The following BBOF1 variants were observed in gnomAD, a reference collection of about 807,000 sequenced individuals.
BBOF1 encodes basal body-orientation factor 1.
In BBOF1, 62 loss-of-function variants were observed where a neutral mutation model predicts 68.0. That is an observed-to-expected ratio of 0.91 (90% CI 0.74 to 1.13). The LOEUF is 1.13. Ranked by LOEUF, BBOF1 falls within the 50% of genes most tolerant of loss-of-function variation. The probability of loss-of-function intolerance (pLI) is 0.00; values close to 1 mark genes in which losing one functional copy is unlikely to be tolerated. For missense variants in BBOF1, 534 were observed against 600.1 expected (o/e 0.89, Z 1.15); for synonymous variants, 208 against 198.8 (o/e 1.05, Z -0.39).
intron 5 of BBOF1, among the ~76,000 whole-genome samples, chr14:74,043,499 G>A (rs1414245471): frequency 2.2e-5 from 3 of 136,700 alleles, no homozygotes; most frequent in Non-Finnish European, 4.6e-5. Flanking sequence ...GCAGTGAGCC[G>A]AGATTGCGCC....
chr14:74,034,891 A>G (rs962464934), intron 4 of BBOF1, among the ~76,000 whole-genome samples: 115 of 152,134 alleles, frequency 7.6e-4, no homozygotes, highest in Non-Finnish European at 1.5e-3. Context: ...GGAGTTCAAG[A>G]CTAGCCTAGG....
intron 9 of BBOF1, among the ~76,000 whole-genome samples, chr14:74,056,034 AT>A (rs202158412): frequency 0.22 from 32,331 of 144,044 alleles, 3,736 homozygotes; most frequent in South Asian, 0.44. Context: ...AAAGATAAGT[AT>A]TTTTTTTTTT....
chr14:74,071,724 AG>A lies in BBOF1; in HGVS notation n.1380-6471del, dbSNP rs559349454. ...GGAAGATCATTTGAGTAAAGAGTAA[AG>A]TAAATCAGTCTTAGGGATACTGAAT... On this transcript the variant is annotated intron_variant and non_coding_transcript_variant, in intron 9 of 12. Transcript: ENST00000492026. 3,235 of 1,460,518 alleles carry A rather than the reference AG, an allele frequency of 2.2e-3. 18 individuals carry two copies. The highest frequency in any genetic ancestry group is 0.019 in the Middle Eastern group (85 of 4,476). The allele number at this position is 1,460,518 out of a possible 1,614,324, so 90.5% of individuals were successfully genotyped here.
At chr14:74,059,312 C>T (rs1307296837) in intron 11 of BBOF1, 1 of 451,596 alleles carries the variant, frequency 2.2e-6, no homozygotes, top group Non-Finnish European at 4.5e-6. Flanking sequence ...GTTAGATTTG[C>T]TTAAGGCAGG....
intron 8 of BBOF1, among the ~76,000 whole-genome samples, chr14:74,052,644 C>CAA (rs112439607): frequency 0.013 from 1,727 of 133,084 alleles, 19 homozygotes; most frequent in Middle Eastern, 0.034. Context: ...GACTCCATCT[C>CAA]AAAAAAAAAA....
At chr14:74,069,292 CG>C (rs2060517151), downstream of BBOF1, 4 of 347,320 alleles carry the variant, frequency 1.2e-5, no homozygotes, top group East Asian at 2.3e-4. Flanking sequence ...TTAGTAGACA[CG>C]GGGTTTCACA....
chr14:74,047,932 A>T lies in BBOF1; in HGVS notation c.650A>T (p.Gln217Leu), dbSNP rs1487347283. 1 of 1,600,236 alleles carries T rather than the reference A, an allele frequency of 6.2e-7. No homozygotes were observed. The highest frequency in any genetic ancestry group is 2.2e-5 in the East Asian group (1 of 44,776). The change falls in exon 7 of 12, where the codon CAA becomes CTA. Residue 217 changes from glutamine (Q) to leucine (L), a missense_variant and splice_region_variant. Transcript: ENST00000394009. ...TTGAGATCTTATATCTATTTCAGGC[A>T]ATTGAACGATGCTGGAAGAAATGTT... ...AERAHHEAIV[Q>L]LNDAGRNVFK...
chr14:74,030,598 C>T (rs1447101978), intron 3 of BBOF1, among the ~76,000 whole-genome samples: 2 of 151,688 alleles, frequency 1.3e-5, no homozygotes, highest in Admixed American at 6.6e-5. Context: ...TGGGTTCACA[C>T]CATTCTCCTG....
downstream of BBOF1, chr14:74,071,056 T>C: frequency 5.6e-6 from 5 of 899,916 alleles, no homozygotes; most frequent in Non-Finnish European, 9.0e-6. Flanking sequence ...GGCAAAATCA[T>C]CAACAAACAT....
intron 2 of BBOF1, among the ~76,000 whole-genome samples, chr14:74,023,677 A>G (rs1340309511): frequency 6.6e-6 from 1 of 152,118 alleles, no homozygotes; most frequent in Non-Finnish European, 1.5e-5. Flanking sequence ...CCACTTTGGG[A>G]GGCTGAGGTG....
In BBOF1 at chr14:74,050,094, A is replaced by G; in HGVS notation, c.1185A>G (p.Ala395=). ...AQAAFNLKMR[A]ACTGRTEYPK... Reference sequence around the variant, plus strand: ...CTGCTTTCAATTTAAAAATGAGAGCAGCATGTACAGGAAGAACAGAATATC... The same window carrying G: ...CTGCTTTCAATTTAAAAATGAGAGCGGCATGTACAGGAAGAACAGAATATC... Residue 395 remains alanine (A), a synonymous_variant, in exon 8 of 12, where the codon GCA becomes GCG. Transcript: ENST00000394009. 1 of 1,613,880 alleles carries G rather than the reference A, an allele frequency of 6.2e-7. No homozygotes were observed. Among genetic ancestry groups the G allele is most frequent in the Non-Finnish European group, 8.5e-7 (1 of 1,179,886 alleles).
intron 1 of BBOF1, 27 bp downstream of exon 1, chr14:74,019,561 C>A: frequency 1.3e-6 from 2 of 1,573,976 alleles, no homozygotes; most frequent in East Asian, 2.4e-5. Flanking sequence ...CGAGAGTCCC[C>A]TCTCCCTGGG....
chr14:74,026,954 G>A (rs2059444759), intron 2 of BBOF1, among the ~76,000 whole-genome samples: 1 of 151,504 alleles, frequency 6.6e-6, no homozygotes, highest in African/African-American at 2.4e-5. Flanking sequence ...GGCAAAAACT[G>A]CAGTTGCTTT....
chr14:74,058,678 C>T (rs551007496), intron 11 of BBOF1: 4 of 151,476 alleles, frequency 2.6e-5, no homozygotes, highest in South Asian at 2.1e-4. Context: ...CTGGTAAGGA[C>T]GCAGGAAAAT....
intron 12 of BBOF1, among the ~76,000 whole-genome samples, chr14:74,082,438 C>T (rs1309275128): frequency 2.6e-5 from 3 of 115,284 alleles, no homozygotes; most frequent in Non-Finnish European, 3.2e-5. Flanking sequence ...CTTGCTCTGT[C>T]GCCCAGGCTG....
At chr14:74,049,661 C>T in intron 7 of BBOF1, 41 bp from the exon 8 acceptor site, 1 of 1,492,648 alleles carries the variant, frequency 6.7e-7, no homozygotes, top group Non-Finnish European at 8.9e-7. Context: ...GATTCCATCT[C>T]AAAAGAAAAA....
intron 5 of BBOF1, among the ~76,000 whole-genome samples, chr14:74,041,372 A>G (rs2059822430): frequency 6.6e-6 from 1 of 152,108 alleles, no homozygotes. Flanking sequence ...TCTGAAGTTA[A>G]CTCTCCAAAT....
At chr14:74,056,784 G>A (rs545326314) in intron 9 of BBOF1, 122 bp from the exon 10 acceptor site, 147 of 665,074 alleles carry the variant, frequency 2.2e-4, no homozygotes, top group African/African-American at 1.5e-3. Context: ...CCACAAATAC[G>A]TATACCTACT....
chr14:74,042,741 G>A (rs565041733), intron 5 of BBOF1, among the ~76,000 whole-genome samples: 4 of 152,128 alleles, frequency 2.6e-5, no homozygotes, highest in South Asian at 4.2e-4. Context: ...CCAGGAATTC[G>A]GGGCTGCAGT....
Sources: allele counts gnomAD v4.1 joint callset (sites outside exome capture counted in the v4.1 genomes callset), GRCh38; gene constraint gnomAD v4.1.1; transcripts MANE v1.5; gene names NCBI Gene and HGNC (gene_info 2026-07-23, HGNC 2026-07-21).